MGAT4C: variants seen among roughly 807,000 people sequenced by gnomAD.
MGAT4C encodes alpha-1,3-mannosyl-glycoprotein 4-beta-N-acetylglucosaminyltransferase C.
MGAT4C carries 19 observed loss-of-function variants against 40.1 expected under a neutral mutation model. The observed-to-expected ratio is 0.47, with a 90% CI of 0.33 to 0.70. MGAT4C has a LOEUF of 0.70. Ranked by LOEUF, MGAT4C falls within the 30% of genes least tolerant of loss-of-function variation. The pLI is 0.02. For missense variants in MGAT4C, 491 were observed against 563.2 expected (o/e 0.87, Z 1.30); for synonymous variants, 181 against 187.1 (o/e 0.97, Z 0.27).
chr12:86,707,441 C>G (rs1950478504), intron 2 of MGAT4C, among the ~76,000 whole-genome samples: 1 of 151,960 alleles, frequency 6.6e-6, no homozygotes, highest in South Asian at 2.1e-4. Context: ...AAGACACTGA[C>G]AGCATTTTGG....
intron 3 of MGAT4C, among the ~76,000 whole-genome samples, chr12:86,383,549 CAAAAAAAAAAA>C (rs1159593477): frequency 1.6e-4 from 8 of 49,862 alleles, no homozygotes; most frequent in East Asian, 8.9e-4. Context: ...CACTTCGTCT[CAAAAAAAAAAA>C]AAAAAAAAAA....
intron 2 of MGAT4C, among the ~76,000 whole-genome samples, chr12:86,034,770 C>T (rs1285374780): frequency 6.7e-6 from 1 of 149,156 alleles, no homozygotes; most frequent in Non-Finnish European, 1.5e-5. Context: ...TGATGTTCCC[C>T]TCCCTGTGTC....
intron 2 of MGAT4C, among the ~76,000 whole-genome samples, chr12:86,557,881 G>A (rs994236912): frequency 6.6e-6 from 1 of 151,830 alleles, no homozygotes; most frequent in Non-Finnish European, 1.5e-5. Context: ...CTAATGGAAA[G>A]GAAATATATG....
intron 2 of MGAT4C, among the ~76,000 whole-genome samples, chr12:86,048,396 C>T (rs1332075073): frequency 1.3e-5 from 2 of 151,776 alleles, no homozygotes; most frequent in East Asian, 2.0e-4. Flanking sequence ...TGTGATCATT[C>T]ATATACCAAA....
At chr12:86,651,641 T>C (rs2136535751) in intron 2 of MGAT4C, among the ~76,000 whole-genome samples, 1 of 151,976 alleles carries the variant, frequency 6.6e-6, no homozygotes, top group Middle Eastern at 3.4e-3. Context: ...TTGAAAACTT[T>C]TGAAAATAGC....
At chr12:86,162,928 A>G (rs1885757651) in intron 1 of MGAT4C, among the ~76,000 whole-genome samples, 1 of 152,100 alleles carries the variant, frequency 6.6e-6, no homozygotes, top group African/African-American at 2.4e-5. Context: ...TCCAAATACT[A>G]TATGCTTAGT....
intron 2 of MGAT4C, among the ~76,000 whole-genome samples, chr12:86,548,263 T>C (rs951257118): frequency 6.6e-6 from 1 of 152,066 alleles, no homozygotes; most frequent in East Asian, 1.9e-4. Flanking sequence ...TGATCCACAC[T>C]GGGAGGGCAT....
Position 86,744,328 on chromosome 12 carries a change from G to C in MGAT4C, c.-261-17087C>G, listed in dbSNP as rs531741266. 3.3e-5 allele frequency among the ~76,000 whole-genome samples: 5 copies of C among 151,628 alleles called. No homozygotes were observed. In the South Asian group the frequency reaches 1.0e-3, roughly 31 times the overall value. ...GGAAAAAAAAAATATGATTGACAAA[G>C]ACAGTAAAGGTTTGTTTTCTGGTGC... On this transcript the variant is annotated intron_variant, in intron 1 of 7. Coordinates refer to the MGAT4C transcript ENST00000548651.
At chr12:86,068,229 G>T (rs1474238094) in intron 1 of MGAT4C, 1 of 152,032 alleles carries the variant, frequency 6.6e-6, no homozygotes, top group African/African-American at 2.4e-5. Flanking sequence ...TGTTTTTGTT[G>T]TTCTTTTAAA....
intron 1 of MGAT4C, among the ~76,000 whole-genome samples, chr12:86,211,074 T>C (rs1423456746): frequency 2.0e-5 from 3 of 151,862 alleles, no homozygotes; most frequent in Non-Finnish European, 2.9e-5. Flanking sequence ...CATGGTAGTA[T>C]ATACCTGTTT....
At chr12:86,714,535 C>T (rs1950611633) in intron 2 of MGAT4C, among the ~76,000 whole-genome samples, 2 of 152,150 alleles carry the variant, frequency 1.3e-5, no homozygotes, top group South Asian at 4.1e-4. Context: ...CTCACAAAAT[C>T]TGATGATTTT....
chr12:86,233,454 A>G (rs781674054), intron 1 of MGAT4C, among the ~76,000 whole-genome samples: 7 of 152,184 alleles, frequency 4.6e-5, no homozygotes, highest in Non-Finnish European at 1.0e-4. Flanking sequence ...GCAGCCTTTG[A>G]TAGGTGACAG....
intron 4 of MGAT4C, among the ~76,000 whole-genome samples, chr12:86,298,513 G>A (rs1213450076): frequency 1.3e-5 from 2 of 151,986 alleles, no homozygotes; most frequent in African/African-American, 4.8e-5. Flanking sequence ...CATAAAGGAA[G>A]CATCAAAACA....
At chr12:86,231,053 T>A (rs2136014791) in intron 1 of MGAT4C, among the ~76,000 whole-genome samples, 1 of 152,252 alleles carries the variant, frequency 6.6e-6, no homozygotes, top group South Asian at 2.1e-4. Context: ...AATAAAACCC[T>A]GACGAAAAAT....
At chr12:86,145,325 C>A (rs1883372861) in intron 1 of MGAT4C, among the ~76,000 whole-genome samples, 1 of 152,074 alleles carries the variant, frequency 6.6e-6, no homozygotes, top group Non-Finnish European at 1.5e-5. Context: ...GCAGTTCTGG[C>A]AATCAGTACT....
At chr12:86,496,775 C>A (rs947723559) in intron 2 of MGAT4C, among the ~76,000 whole-genome samples, 1 of 151,858 alleles carries the variant, frequency 6.6e-6, no homozygotes, top group African/African-American at 2.4e-5. Context: ...CACCATTCAG[C>A]CTTTTATAAA....
intron 2 of MGAT4C, among the ~76,000 whole-genome samples, chr12:86,603,583 AG>A (rs1460993025): frequency 7.4e-5 from 9 of 122,088 alleles, no homozygotes; most frequent in African/African-American, 1.3e-4. Context: ...GATAATATAT[AG>A]TCATATAGTC....
chr12:86,482,429 C>A (rs1957953371), intron 2 of MGAT4C, among the ~76,000 whole-genome samples: 1 of 151,928 alleles, frequency 6.6e-6, no homozygotes, highest in Admixed American at 6.6e-5. Context: ...AAAAAGTTGA[C>A]ACATTTTTAT....
At chr12:86,104,271 A>G (rs1875709536) in intron 1 of MGAT4C, among the ~76,000 whole-genome samples, 1 of 151,740 alleles carries the variant, frequency 6.6e-6, no homozygotes, top group Non-Finnish European at 1.5e-5. Flanking sequence ...AAAAAAAAAA[A>G]AAAAGAAAAA....
Sources: gnomAD v4.1 joint callset for allele counts (sites outside exome capture counted in the v4.1 genomes callset) on GRCh38, gnomAD v4.1.1 for gene constraint, MANE v1.5 for transcripts, NCBI Gene and HGNC (gene_info 2026-07-23, HGNC 2026-07-21) for gene names.